GLI2: variants seen among roughly 807,000 people sequenced by gnomAD.
The protein encoded by GLI2 is transcription activator GLI2.
A neutral mutation model predicts 78.9 loss-of-function variants in GLI2; 22 were observed. The observed-to-expected ratio is 0.28, with a 90% CI of 0.20 to 0.40. The LOEUF is 0.40. Among genes scored for constraint, GLI2 ranks in the 10% least tolerant of loss-of-function variants. GLI2 has a pLI of 1.00. For missense variants in GLI2, 2,097 were observed against 2,213.2 expected (o/e 0.95, Z 1.05); for synonymous variants, 974 against 963.7 (o/e 1.01, Z -0.20).
chr2:120,931,768 G>A (rs923594992), intron 3 of GLI2, among the ~76,000 whole-genome samples: 5 of 152,196 alleles, frequency 3.3e-5, no homozygotes, highest in African/African-American at 1.2e-4. Flanking sequence ...TGACATCCCT[G>A]CAAGGTAGTT....
chr2:120,943,415 A>G (rs948621738), intron 3 of GLI2, among the ~76,000 whole-genome samples: 6 of 152,214 alleles, frequency 3.9e-5, no homozygotes, highest in Non-Finnish European at 8.8e-5. Flanking sequence ...CCCTGGCCAC[A>G]TGGGATTGTG....
At chr2:120,899,291 C>G (rs1678128930) in intron 2 of GLI2, among the ~76,000 whole-genome samples, 1 of 152,154 alleles carries the variant, frequency 6.6e-6, no homozygotes, top group South Asian at 2.1e-4. Flanking sequence ...TAGAAGCAAA[C>G]ACTTGAGGAT....
At chr2:120,872,949 C>T (rs1432712363) in intron 2 of GLI2, among the ~76,000 whole-genome samples, 8 of 152,176 alleles carry the variant, frequency 5.3e-5, no homozygotes, top group Non-Finnish European at 1.2e-4. Flanking sequence ...GTGACAGACA[C>T]GAAAGAGGCT....
At chr2:120,750,264 C>G (rs1377781411) in intron 1 of GLI2, among the ~76,000 whole-genome samples, 1 of 152,244 alleles carries the variant, frequency 6.6e-6, no homozygotes, top group Non-Finnish European at 1.5e-5. Flanking sequence ...CTCACCACCC[C>G]CTTTTGGGGG....
chr2:120,806,640 C>T (rs1346532875), intron 2 of GLI2, among the ~76,000 whole-genome samples: 1 of 152,164 alleles, frequency 6.6e-6, no homozygotes, highest in East Asian at 1.9e-4. Flanking sequence ...CATATGGGGT[C>T]TGAAGGACAA....
chr2:120,772,478 T>A (rs1048654694), intron 1 of GLI2, among the ~76,000 whole-genome samples: 2 of 152,122 alleles, frequency 1.3e-5, no homozygotes, highest in Non-Finnish European at 1.5e-5. Context: ...CACACCAGCA[T>A]CATCAATGGC....
chr2:120,838,036 G>T (rs898383404), intron 2 of GLI2, among the ~76,000 whole-genome samples: 2 of 152,148 alleles, frequency 1.3e-5, no homozygotes, highest in Non-Finnish European at 2.9e-5. Flanking sequence ...TTGGGGTTTT[G>T]ATTATAATTG....
In GLI2 at chr2:120,989,950, G is replaced by T. The variant is rs775594660; in HGVS notation, c.3985G>T (p.Ala1329Ser). ...GYHQVPSLLP[A>S]RQPGFMEPQT... ...CCACCAGGTCCCCAGCCTTCTGCCTGCCCGCCAGCCTGGCTTCATGGAGCC... is the reference window on the plus strand; with the variant it reads ...CCACCAGGTCCCCAGCCTTCTGCCTTCCCGCCAGCCTGGCTTCATGGAGCC... Residue 1329 changes from alanine (A) to serine (S), a missense_variant, in exon 14 of 14, where the codon GCC (alanine) becomes TCC (serine). Physicochemically the swap from Ala to Ser is moderately conservative, Grantham distance 99. Around this residue, in one of 5 missense-constraint regions of GLI2, gnomAD observed 1,290 missense variants for 1,261.7 expected, o/e 1.02. Coordinates refer to ENST00000361492, the MANE Select transcript of GLI2 (RefSeq NM_001374353.1). 6.2e-7 allele frequency: 1 copy of T among 1,610,948 alleles called. No homozygotes were observed. The highest frequency in any genetic ancestry group is 1.7e-5 in the Admixed American group (1 of 59,850).
intron 3 of GLI2, among the ~76,000 whole-genome samples, chr2:120,947,066 G>A (rs1680743876): frequency 6.6e-6 from 1 of 152,340 alleles, no homozygotes; most frequent in Non-Finnish European, 1.5e-5. Context: ...CCTGGTAGGG[G>A]TGGGGTGGGG....
intron 1 of GLI2, among the ~76,000 whole-genome samples, chr2:120,764,631 C>T (rs370589062): frequency 6.6e-6 from 1 of 152,166 alleles, no homozygotes; most frequent in African/African-American, 2.4e-5. Flanking sequence ...GCTTTTCATT[C>T]CCCTTTGCGC....
intron 2 of GLI2, among the ~76,000 whole-genome samples, chr2:120,832,298 C>T (rs1170365079): frequency 6.6e-6 from 1 of 152,194 alleles, no homozygotes; most frequent in East Asian, 1.9e-4. Flanking sequence ...AGAACCCCAT[C>T]ACCCTACCCC....
intron 2 of GLI2, among the ~76,000 whole-genome samples, chr2:120,829,582 C>A (rs550867206): frequency 7.6e-4 from 116 of 152,376 alleles, no homozygotes; most frequent in African/African-American, 2.5e-3. Flanking sequence ...CAAGGCTGGG[C>A]CTAACAGCTG....
intron 5 of GLI2, among the ~76,000 whole-genome samples, chr2:120,961,543 C>G (rs1354292166): frequency 6.6e-6 from 1 of 152,204 alleles, no homozygotes; most frequent in Non-Finnish European, 1.5e-5. Flanking sequence ...TGCAGCACAG[C>G]CTGTTTCTCT....
chr2:120,972,140 T>C lies in GLI2; in HGVS notation c.1182+77T>C, dbSNP rs147845845. On this transcript the variant is annotated intron_variant, in intron 8 of 13. Transcript: ENST00000361492. ...GGCTGCCTTGGGGCTGTACCCTTGG[T>C]GGTGAACGGATGGCTGGCTGGCTGC... is the stretch of plus-strand genomic sequence containing the variant. 3.3e-6 allele frequency: 5 copies of C among 1,532,758 alleles called. No homozygotes were observed. In the East Asian group the frequency reaches 1.1e-4, roughly 35 times the overall value. The allele number at this position is 1,532,758 out of a possible 1,614,324, so 94.9% of individuals were successfully genotyped here. A position where few individuals can be genotyped will look rare whatever the true frequency, so the allele number is the denominator to read the frequency against.
chr2:120,970,558 G>A lies in GLI2; in HGVS notation c.1011G>A (p.Thr337=), dbSNP rs962710820. ...TGGCCCTCACCTCCATCAATGCCACGCCCACCCAGCTCAGCAGCAGCAGCA... is the reference window on the plus strand; with the variant it reads ...TGGCCCTCACCTCCATCAATGCCACACCCACCCAGCTCAGCAGCAGCAGCA... The part of the protein sequence containing the change: ...QPMALTSINA[T]PTQLSSSSNC... Residue 337 remains threonine (T), a synonymous_variant, in exon 7 of 14, where the codon ACG becomes ACA. Transcript: ENST00000361492. The A allele has an allele frequency of 6.2e-6, 10 of 1,613,894 alleles. No individual in the cohort carries two copies. Among genetic ancestry groups the A allele is most frequent in the African/African-American group, 4.0e-5 (3 of 74,872 alleles).
rs1030687406 is a variant in GLI2 at position 120,737,629 on chromosome 2, G to A, written c.-31+1344G>A. Among the ~76,000 whole-genome samples the A allele has an allele frequency of 6.6e-6, 1 of 151,922 alleles. No homozygotes were observed. Among genetic ancestry groups the A allele is most frequent in the African/African-American group, 2.4e-5 (1 of 41,328 alleles). On this transcript the variant is annotated intron_variant, in intron 1 of 13. Coordinates refer to ENST00000361492, the MANE Select transcript of GLI2 (RefSeq NM_001374353.1). The surrounding 1 kb of genome is among the most constrained non-coding windows in gnomAD (Gnocchi z 4.3). ...AGCTCGGTGGCCGCAGCGGTGTCCC[G>A]GGCCCCCTCTCCGCCGCTCTTGCCG...
intron 2 of GLI2, among the ~76,000 whole-genome samples, chr2:120,898,112 T>C (rs1342074982): frequency 6.6e-6 from 1 of 150,776 alleles, no homozygotes; most frequent in East Asian, 2.0e-4. Flanking sequence ...GTGGTTTCCA[T>C]CCACCCCCTA....
intron 1 of GLI2, among the ~76,000 whole-genome samples, chr2:120,740,497 T>C (rs528933928): frequency 6.6e-6 from 1 of 151,744 alleles, no homozygotes; most frequent in African/African-American, 2.4e-5. Flanking sequence ...GGGTTTCAGC[T>C]ATTAGCATAA....
intron 2 of GLI2, among the ~76,000 whole-genome samples, chr2:120,833,792 G>A (rs1285674969): frequency 1.3e-5 from 2 of 152,196 alleles, no homozygotes; most frequent in Admixed American, 1.3e-4. Flanking sequence ...AGGCCATTTA[G>A]GGACATTCAG....
Sources: allele counts gnomAD v4.1 joint callset (sites outside exome capture counted in the v4.1 genomes callset), GRCh38; gene constraint gnomAD v4.1.1; regional missense constraint gnomAD v4.1.1; non-coding constraint Gnocchi (gnomAD v3.1); transcripts MANE v1.5; gene names NCBI Gene and HGNC (gene_info 2026-07-23, HGNC 2026-07-21).